PPM1D: variants seen among roughly 807,000 people sequenced by gnomAD.
PPM1D encodes protein phosphatase, Mg2+/Mn2+ dependent 1D.
A neutral mutation model predicts 58.3 loss-of-function variants in PPM1D; 52 were observed. That is an observed-to-expected ratio of 0.89 (90% CI 0.71 to 1.12). The LOEUF (loss-of-function observed/expected upper bound fraction) is 1.12. Among genes scored for constraint, PPM1D ranks in the 50% most tolerant of loss-of-function variants. The pLI, the probability that PPM1D is intolerant of heterozygous loss-of-function variation, is 0.00. For synonymous variants in PPM1D, 278 were observed against 285.1 expected (o/e 0.98, Z 0.25); for missense variants, 564 against 777.2 (o/e 0.73, Z 3.26).
rs1459371555 is a variant in PPM1D at position 60,663,740 on chromosome 17, T to A, written c.*188T>A. The A allele has an allele frequency of 1.6e-6, 1 of 630,328 alleles. No individual in the cohort carries two copies. Among genetic ancestry groups the A allele is most frequent in the Non-Finnish European group, 2.7e-6 (1 of 376,972 alleles). The allele number at this position is 630,328 out of a possible 1,614,324, so 39.0% of individuals were successfully genotyped here. A position where few individuals can be genotyped will look rare whatever the true frequency, so the allele number is the denominator to read the frequency against. On this transcript the variant is annotated 3_prime_UTR_variant, in exon 6 of 6. Transcript: ENST00000305921. Reference sequence around the variant, plus strand: ...TTGTAAATGTGGATTTTGTAGATGTTAGGGTATAAGTTGCTGTAAAATTTG... The same window carrying A: ...TTGTAAATGTGGATTTTGTAGATGTAAGGGTATAAGTTGCTGTAAAATTTG...
chr17:60,646,779 C>T (rs1022930152), intron 3 of PPM1D, among the ~76,000 whole-genome samples: 1 of 152,112 alleles, frequency 6.6e-6, no homozygotes, highest in South Asian at 2.1e-4. Context: ...GAAGTTTAGG[C>T]ATTGTTTTTA....
At chr17:60,624,982 T>C (rs1430190643) in intron 2 of PPM1D, among the ~76,000 whole-genome samples, 1 of 151,358 alleles carries the variant, frequency 6.6e-6, no homozygotes, top group African/African-American at 2.4e-5. Flanking sequence ...TCTGCTAAAA[T>C]ACAAAAGAAA....
intron 4 of PPM1D, among the ~76,000 whole-genome samples, chr17:60,652,594 T>C (rs2031367022): frequency 6.7e-6 from 1 of 149,130 alleles, no homozygotes; most frequent in Non-Finnish European, 1.5e-5. Context: ...TTCATACTGT[T>C]CTTCGTAGTG....
chr17:60,656,377 C>G (rs374429808), intron 4 of PPM1D, among the ~76,000 whole-genome samples: 2 of 150,344 alleles, frequency 1.3e-5, no homozygotes, highest in Admixed American at 1.3e-4. Context: ...GGCATGAACC[C>G]GGGAGGCAGA....
intron 2 of PPM1D, among the ~76,000 whole-genome samples, chr17:60,626,247 T>C (rs577109254): frequency 7.9e-4 from 120 of 152,306 alleles, no homozygotes; most frequent in African/African-American, 2.5e-3. Flanking sequence ...TGAATATTGA[T>C]AACTATTTGT....
At position 60,600,447 on chromosome 17, in the gene PPM1D, C is replaced by T. The variant is rs1379005491; in HGVS notation, c.33C>T (p.Val11=). 1 of 1,562,418 alleles carries T rather than the reference C, an allele frequency of 6.4e-7. No individual in the cohort carries two copies. Among genetic ancestry groups the T allele is most frequent in the Non-Finnish European group, 8.7e-7 (1 of 1,153,324 alleles). Reference sequence around the variant, plus strand: ...GGCTGTACTCGCTGGGAGTGAGCGTCTTCTCCGACCAGGGCGGGAGGAAGT... The same window carrying T: ...GGCTGTACTCGCTGGGAGTGAGCGTTTTCTCCGACCAGGGCGGGAGGAAGT... MAGLYSLGVS[V]FSDQGGRKYM... Residue 11 remains valine (V), a synonymous_variant, in exon 1 of 6, where the codon GTC becomes GTT. Coordinates refer to ENST00000305921, the MANE Select transcript of PPM1D (RefSeq NM_003620.4).
In PPM1D at chr17:60,663,456, C is replaced by A. The variant is rs751087700; in HGVS notation, c.1722C>A (p.Asn574Lys). 9 of 1,614,154 alleles carry A rather than the reference C, an allele frequency of 5.6e-6. No individual in the cohort carries two copies. The South Asian group carries it at 9.9e-5, about 18-fold the overall frequency. Residue 574 changes from asparagine (N) to lysine (K), a missense_variant, in exon 6 of 6, where the codon AAC (asparagine) becomes AAA (lysine). Physicochemically the swap from Asn to Lys is moderately conservative, Grantham distance 94. This residue lies in a region of PPM1D where 261 missense variants were observed against 270.1 expected (regional missense o/e 0.97). Coordinates refer to ENST00000305921, the MANE Select transcript of PPM1D (RefSeq NM_003620.4). ...ASLPTTSQRKNSVKLTMRRRL... is the reference protein window; with the variant it reads ...ASLPTTSQRKKSVKLTMRRRL... Reference sequence around the variant, plus strand: ...TCCCCACAACCTCACAGCGAAAGAACTCTGTTAAACTCACCATGCGACGCA... The same window carrying A: ...TCCCCACAACCTCACAGCGAAAGAAATCTGTTAAACTCACCATGCGACGCA...
intron 4 of PPM1D, among the ~76,000 whole-genome samples, chr17:60,652,607 T>C (rs2031367383): frequency 6.9e-6 from 1 of 145,512 alleles, no homozygotes; most frequent in South Asian, 2.3e-4. Context: ...TCGTAGTGGC[T>C]GCTCTAATTT....
In PPM1D at chr17:60,600,272, G is replaced by A. The variant is rs1183527930; in HGVS notation, c.-143G>A. ...TCGCGGACAAGTCCAGACATCGCGCGCCCCCCCTTCTCCGGGTCCGCCCCC... is the reference window on the plus strand; with the variant it reads ...TCGCGGACAAGTCCAGACATCGCGCACCCCCCCTTCTCCGGGTCCGCCCCC... On this transcript the variant is annotated 5_prime_UTR_variant, in exon 1 of 6. Coordinates refer to ENST00000305921, the MANE Select transcript of PPM1D (RefSeq NM_003620.4). 9 of 1,408,294 alleles carry A rather than the reference G, an allele frequency of 6.4e-6. No individual in the cohort carries two copies. The highest frequency in any genetic ancestry group is 8.4e-6 in the Non-Finnish European group (9 of 1,075,764). The allele number at this position is 1,408,294 out of a possible 1,614,324, so 87.2% of individuals were successfully genotyped here.
chr17:60,659,730 T>G (rs1008865732), intron 5 of PPM1D, among the ~76,000 whole-genome samples: 2 of 152,214 alleles, frequency 1.3e-5, no homozygotes, highest in Non-Finnish European at 2.9e-5. Context: ...CATAACTGTT[T>G]TACGAACATG....
chr17:60,663,040 A>G lies in PPM1D; in HGVS notation c.1306A>G (p.Ile436Val), dbSNP rs2031552550. 1 of 1,614,008 alleles carries G rather than the reference A, an allele frequency of 6.2e-7. No homozygotes were observed. The highest frequency in any genetic ancestry group is 1.7e-5 in the Admixed American group (1 of 59,990). The change falls in exon 6 of 6, where the codon ATA becomes GTA. Residue 436 changes from isoleucine (I) to valine (V), a missense_variant. Ile to Val is a conservative substitution (Grantham distance 29). Transcript: ENST00000305921. ...PWPRVNSKDH[I>V]PALVRSNAFS... is the part of the protein sequence containing the mutation. ...GCCAAGGGTGAATTCTAAGGACCAT[A>G]TACCTGCCCTGGTTCGTAGCAATGC...
chr17:60,640,450 G>GT (rs1461891939), intron 3 of PPM1D, among the ~76,000 whole-genome samples: 1 of 152,216 alleles, frequency 6.6e-6, no homozygotes, highest in African/African-American at 2.4e-5. Flanking sequence ...TGTAAAGCAT[G>GT]TGGTTCATTG....
chr17:60,645,578 A>ATGTGTGTGTGTG (rs1382355126), intron 3 of PPM1D, among the ~76,000 whole-genome samples: 1 of 140,278 alleles, frequency 7.1e-6, no homozygotes, highest in African/African-American at 2.8e-5. Context: ...ATATGTATAT[A>ATGTGTGTGTGTG]TATATGTGTG....
At chr17:60,646,400 A>G (rs1164097753) in intron 3 of PPM1D, among the ~76,000 whole-genome samples, 2 of 152,198 alleles carry the variant, frequency 1.3e-5, no homozygotes, top group African/African-American at 4.8e-5. Context: ...AAAGAAAAGG[A>G]CAAAGCTTCC....
At chr17:60,650,318 A>G (rs941859980) in intron 4 of PPM1D, among the ~76,000 whole-genome samples, 6 of 152,222 alleles carry the variant, frequency 3.9e-5, no homozygotes, top group Non-Finnish European at 7.3e-5. Context: ...TGGGAGGCCA[A>G]GGCAGGTGGA....
At chr17:60,612,963 A>G (rs2030490970) in intron 1 of PPM1D, among the ~76,000 whole-genome samples, 1 of 152,164 alleles carries the variant, frequency 6.6e-6, no homozygotes, top group Admixed American at 6.6e-5. Flanking sequence ...CTTTTAAATT[A>G]TTAGTTTGGA....
chr17:60,645,536 GTATA>G (rs201780951), intron 3 of PPM1D, among the ~76,000 whole-genome samples: 2 of 134,604 alleles, frequency 1.5e-5, no homozygotes, highest in Admixed American at 7.6e-5. Context: ...ATATATATGT[GTATA>G]TATATGTATA....
chr17:60,636,055 G>T (rs1336977800), intron 3 of PPM1D, among the ~76,000 whole-genome samples: 1 of 152,160 alleles, frequency 6.6e-6, no homozygotes, highest in Non-Finnish European at 1.5e-5. Context: ...GGATTGGCTG[G>T]AGGCTTCAGT....
chr17:60,601,677 C>T (rs969643772), intron 1 of PPM1D, among the ~76,000 whole-genome samples: 30 of 152,012 alleles, frequency 2.0e-4, no homozygotes, highest in African/African-American at 6.5e-4. Context: ...TTGTAACTGC[C>T]CATCAAAATA....
Sources: allele counts gnomAD v4.1 joint callset (sites outside exome capture counted in the v4.1 genomes callset), GRCh38; gene constraint gnomAD v4.1.1; regional missense constraint gnomAD v4.1.1; transcripts MANE v1.5; gene names NCBI Gene and HGNC (gene_info 2026-07-23, HGNC 2026-07-21).